Variants in FBRSL1 observed in about 807,000 individuals in gnomAD.
FBRSL1 encodes the protein fibrosin-1-like protein.
Under a neutral mutation model 89.6 loss-of-function variants are expected in FBRSL1, and 51 were observed. The observed-to-expected ratio is 0.57, with a 90% CI of 0.45 to 0.72. FBRSL1 has a LOEUF of 0.72. Ranked by LOEUF, FBRSL1 falls within the 30% of genes least tolerant of loss-of-function variation. The probability of loss-of-function intolerance (pLI) is 0.00; values close to 1 mark genes in which losing one functional copy is unlikely to be tolerated. For synonymous variants in FBRSL1, 779 were observed against 681.1 expected (o/e 1.14, Z -2.24); for missense variants, 1,618 against 1,451.8 (o/e 1.11, Z -1.86).
chr12:132,561,036 G>A (rs530682762), intron 5 of FBRSL1, among the ~76,000 whole-genome samples: 1 of 152,336 alleles, frequency 6.6e-6, no homozygotes, highest in African/African-American at 2.4e-5. Context: ...GTCTAGGAAG[G>A]GGTTGGAGCC....
rs1427093583 is a variant in FBRSL1, at chr12:132,490,406, C to G, written c.-165C>G. 3 of 314,750 alleles carry G rather than the reference C, an allele frequency of 9.5e-6. No individual in the cohort carries two copies. Among genetic ancestry groups the G allele is most frequent in the Non-Finnish European group, 1.3e-5 (3 of 224,094 alleles). 19.5% of individuals were successfully genotyped at this position (314,750 alleles called of 1,614,324 possible). On this transcript the variant is annotated 5_prime_UTR_variant, in exon 1 of 19. Transcript: ENST00000680143. ...CCGGGCCCGGGGCTGAGCCGCCCCCCGCGCCCGGCATGCCCGGCCCGGCCC... is the reference window on the plus strand; with the variant it reads ...CCGGGCCCGGGGCTGAGCCGCCCCCGGCGCCCGGCATGCCCGGCCCGGCCC...
At chr12:132,528,089 G>C in intron 4 of FBRSL1, 101 bp downstream of exon 4, 1 of 1,064,952 alleles carries the variant, frequency 9.4e-7, no homozygotes, top group Admixed American at 2.0e-5. Flanking sequence ...GCTCACCCCA[G>C]TCCCGTGCCC....
chr12:132,515,471 T>G (rs927505018), intron 2 of FBRSL1, among the ~76,000 whole-genome samples: 2 of 151,740 alleles, frequency 1.3e-5, no homozygotes, highest in African/African-American at 2.4e-5. Context: ...GAAAACTAGC[T>G]TGTGCTTATA....
intron 14 of FBRSL1, among the ~76,000 whole-genome samples, chr12:132,574,888 G>A (rs1031480530): frequency 5.3e-5 from 8 of 152,060 alleles, no homozygotes; most frequent in East Asian, 1.9e-4. Context: ...GTCCTCTGCC[G>A]CCCCCACTCC....
intron 11 of FBRSL1, among the ~76,000 whole-genome samples, chr12:132,572,978 G>A (rs535171813): frequency 5.3e-5 from 8 of 152,278 alleles, no homozygotes; most frequent in South Asian, 2.1e-4. Context: ...AGGTTCTTAC[G>A]GGGCCATCCA....
intron 15 of FBRSL1, 105 bp from the exon 16 acceptor site, chr12:132,581,334 T>G (rs1593607489): frequency 6.5e-7 from 1 of 1,542,334 alleles, no homozygotes; most frequent in Non-Finnish European, 8.8e-7. Context: ...GAATGGGAGG[T>G]GAAGGTTCAC....
intron 4 of FBRSL1, among the ~76,000 whole-genome samples, chr12:132,538,402 C>G (rs1177172290): frequency 6.6e-6 from 1 of 152,238 alleles, no homozygotes; most frequent in African/African-American, 2.4e-5. Flanking sequence ...CGGGCCTGGA[C>G]TGGAGGTCAA....
intron 4 of FBRSL1, among the ~76,000 whole-genome samples, chr12:132,534,999 C>A (rs751028691): frequency 6.6e-6 from 1 of 152,176 alleles, no homozygotes; most frequent in Non-Finnish European, 1.5e-5. Flanking sequence ...GATGCCTGAC[C>A]AAGGAGGGTG....
chr12:132,525,769 C>T lies in FBRSL1; in HGVS notation c.525C>T (p.Asp175=). 6.5e-7 allele frequency: 1 copy of T among 1,549,986 alleles called. No homozygotes were observed. The highest frequency in any genetic ancestry group is 8.7e-7 in the Non-Finnish European group (1 of 1,146,352). The change falls in exon 3 of 19, where the codon GAC becomes GAT. Residue 175 remains aspartate, a synonymous_variant. Coordinates refer to ENST00000680143, the MANE Select transcript of FBRSL1 (RefSeq NM_001367871.1). The part of the protein sequence containing the change: ...KVTVSKGGDR[D]SDDDSVLEAT... ...CCGTGTCCAAAGGGGGCGACCGGGA[C>T]AGTGACGACGACAGCGTCCTCGAAG...
intron 5 of FBRSL1, among the ~76,000 whole-genome samples, chr12:132,555,989 C>T (rs1218415151): frequency 1.3e-5 from 2 of 152,158 alleles, no homozygotes; most frequent in African/African-American, 4.8e-5. Flanking sequence ...CTGGGCTCTT[C>T]CCCCAGCCCC....
At position 132,576,898 on chromosome 12, in the gene FBRSL1, C is replaced by T; in HGVS notation, c.1801C>T (p.Gln601Ter). 1.3e-6 allele frequency: 2 copies of T among 1,550,430 alleles called. No individual in the cohort carries two copies. The highest frequency in any genetic ancestry group is 1.7e-6 in the Non-Finnish European group (2 of 1,146,728). The change falls in exon 15 of 19, where the codon CAG (glutamine) becomes TAG (stop). Residue 601 changes from glutamine to a stop codon, truncating the protein, a stop_gained. Coordinates refer to ENST00000680143, the MANE Select transcript of FBRSL1 (RefSeq NM_001367871.1). LOFTEE classifies it high-confidence loss of function. Reference sequence around the variant, plus strand: ...CGTGTTTGCAGGCTTCCACTACCCACAGGACCTGGCCCGGCCCCTCTTCCC... The same window carrying T: ...CGTGTTTGCAGGCTTCCACTACCCATAGGACCTGGCCCGGCCCCTCTTCCC... ...PGVFAGFHYP[Q>*]DLARPLFPST...
At chr12:132,524,927 C>T (rs1027473296) in intron 2 of FBRSL1, among the ~76,000 whole-genome samples, 5 of 152,196 alleles carry the variant, frequency 3.3e-5, no homozygotes, top group Non-Finnish European at 7.3e-5. Flanking sequence ...TTTTCTCATC[C>T]GTGAAATGTA....
intron 2 of FBRSL1, among the ~76,000 whole-genome samples, chr12:132,523,943 G>A (rs2035576494): frequency 6.6e-6 from 1 of 152,184 alleles, no homozygotes; most frequent in Non-Finnish European, 1.5e-5. Context: ...GCCCAGCTGG[G>A]ACCGTGGTGC....
intron 5 of FBRSL1, among the ~76,000 whole-genome samples, chr12:132,558,394 G>C (rs992342248): frequency 3.3e-5 from 5 of 152,234 alleles, no homozygotes; most frequent in African/African-American, 9.6e-5. Context: ...GCTTATCCAA[G>C]TCCTCAGAGT....
At chr12:132,523,484 G>T (rs2035536862) in intron 2 of FBRSL1, among the ~76,000 whole-genome samples, 1 of 152,074 alleles carries the variant, frequency 6.6e-6, no homozygotes, top group South Asian at 2.1e-4. Context: ...TCTGCGCCCA[G>T]CCCTGACCGG....
At chr12:132,572,865 C>A (rs1298021413) in intron 11 of FBRSL1, among the ~76,000 whole-genome samples, 2 of 152,314 alleles carry the variant, frequency 1.3e-5, no homozygotes, top group African/African-American at 4.8e-5. Flanking sequence ...GTGGTGGGAC[C>A]GTGTGGAGAG....
intron 2 of FBRSL1, among the ~76,000 whole-genome samples, chr12:132,512,431 C>T (rs2034449053): frequency 6.6e-6 from 1 of 152,252 alleles, no homozygotes; most frequent in Non-Finnish European, 1.5e-5. Flanking sequence ...GCTGCAGCGC[C>T]CTGGCTGAGC....
At chr12:132,578,722 GC>G (rs57481412) in intron 15 of FBRSL1, among the ~76,000 whole-genome samples, 127,546 of 151,646 alleles carry the variant, frequency 0.84, 53,795 homozygotes, top group East Asian at 0.98. Flanking sequence ...CCCCGCTGCA[GC>G]CCCCCCTCAC....
At chr12:132,510,045 C>T in intron 2 of FBRSL1, 1 of 1,231,396 alleles carries the variant, frequency 8.1e-7, no homozygotes, top group Non-Finnish European at 1.0e-6. Flanking sequence ...GCCCGGCCCA[C>T]TCACGCCTTC....
Sources: allele counts gnomAD v4.1 joint callset (sites outside exome capture counted in the v4.1 genomes callset), GRCh38; gene constraint gnomAD v4.1.1; transcripts MANE v1.5; gene names NCBI Gene and HGNC (gene_info 2026-07-23, HGNC 2026-07-21).